Variants in COL28A1 observed in about 807,000 individuals in gnomAD.
The protein encoded by COL28A1 is collagen alpha-1(XXVIII) chain.
COL28A1 carries 161 observed loss-of-function variants against 150.2 expected under a neutral mutation model. The observed-to-expected ratio is 1.07, with a 90% CI of 0.94 to 1.22. COL28A1 has a LOEUF of 1.22. COL28A1 is among the 50% of genes most tolerant of loss of function. The pLI is 0.00. For missense variants in COL28A1, 1,617 were observed against 1,388.3 expected, an observed-to-expected ratio of 1.16 and a Z score of -2.62; for synonymous variants, 552 against 469.7, an observed-to-expected ratio of 1.18 and a Z score of -2.26.
At chr7:7,481,726 C>G (rs1189031435) in intron 13 of COL28A1, among the ~76,000 whole-genome samples, 1 of 152,126 alleles carries the variant, frequency 6.6e-6, no homozygotes, top group Non-Finnish European at 1.5e-5. Flanking sequence ...CCGTAGTAAT[C>G]TCAATAGTGT....
chr7:7,436,709 A>T (rs571439675), intron 22 of COL28A1, among the ~76,000 whole-genome samples: 4 of 152,316 alleles, frequency 2.6e-5, no homozygotes, highest in African/African-American at 4.8e-5. Flanking sequence ...TTCAGACTCA[A>T]ATATTTCGAC....
chr7:7,364,735 C>G (rs1780844352), intron 33 of COL28A1, among the ~76,000 whole-genome samples: 1 of 152,134 alleles, frequency 6.6e-6, no homozygotes, highest in African/African-American at 2.4e-5. Flanking sequence ...AAAATTTCCT[C>G]CCCTCCACTA....
intron 30 of COL28A1, among the ~76,000 whole-genome samples, chr7:7,377,256 T>G (rs1477444712): frequency 1.3e-5 from 2 of 152,230 alleles, no homozygotes; most frequent in African/African-American, 4.8e-5. Flanking sequence ...TTCTTCATGT[T>G]CTTTGCATTT....
chr7:7,360,570 A>G, intron 33 of COL28A1, 42 bp from the exon 34 acceptor site: 1 of 1,563,058 alleles, frequency 6.4e-7, no homozygotes, highest in Non-Finnish European at 8.6e-7. Flanking sequence ...GATAATATCA[A>G]GTAAAAAAAA....
intron 14 of COL28A1, among the ~76,000 whole-genome samples, chr7:7,476,027 A>G (rs1045605703): frequency 6.6e-6 from 1 of 152,222 alleles, no homozygotes; most frequent in African/African-American, 2.4e-5. Context: ...TAGGATTCTC[A>G]TAGATAATTG....
chr7:7,355,625 A>C (rs374553129), downstream of COL28A1, among the ~76,000 whole-genome samples: 39 of 152,288 alleles, frequency 2.6e-4, no homozygotes, highest in African/African-American at 8.9e-4. Flanking sequence ...AATATAAAAT[A>C]AAATAAGATA....
intron 5 of COL28A1, 72 bp downstream of exon 5, chr7:7,521,833 T>G (rs375713742): frequency 4.8e-6 from 4 of 828,272 alleles, no homozygotes; most frequent in African/African-American, 1.7e-5. Flanking sequence ...ATAGCCCCGA[T>G]GTTTTCAAGA....
the COL28A1 span, among the ~76,000 whole-genome samples, chr7:7,349,912 C>T: frequency 6.6e-6 from 1 of 151,910 alleles, no homozygotes; most frequent in Non-Finnish European, 1.5e-5. Flanking sequence ...GAATAGTGCT[C>T]TCAAAAAGAA....
At chr7:7,525,398 T>A (rs1015425277) in intron 3 of COL28A1, among the ~76,000 whole-genome samples, 9 of 152,226 alleles carry the variant, frequency 5.9e-5, no homozygotes, top group Admixed American at 3.9e-4. Flanking sequence ...ACCTGACAAG[T>A]GCACTGAAGG....
In COL28A1 at chr7:7,389,930, G is replaced by A. The variant is rs1364157730; in HGVS notation, c.2137-8318C>T. On this transcript the variant is annotated intron_variant, in intron 27 of 34. Transcript: ENST00000399429. ...TAGTGTTTTCTAAATATACAACCAC[G>A]TCATCTGTAGGGACAATTTGATTTC... Among the ~76,000 whole-genome samples the A allele has an allele frequency of 2.6e-5, 4 of 152,100 alleles. No individual in the cohort carries two copies. In the East Asian group the frequency reaches 5.8e-4, roughly 22 times the overall value.
intron 3 of COL28A1, among the ~76,000 whole-genome samples, chr7:7,525,179 G>A (rs911099131): frequency 6.6e-6 from 1 of 152,190 alleles, no homozygotes; most frequent in Non-Finnish European, 1.5e-5. Context: ...AGGAAACATG[G>A]TTCCACCATA....
intron 16 of COL28A1, among the ~76,000 whole-genome samples, chr7:7,454,913 G>A (rs987739003): frequency 1.3e-5 from 2 of 152,076 alleles, no homozygotes; most frequent in African/African-American, 4.8e-5. Context: ...GGCTTCTTCT[G>A]TACCTTAAGA....
intron 11 of COL28A1, 118 bp from the exon 12 acceptor site, chr7:7,490,764 C>T (rs1779872871): frequency 1.9e-6 from 1 of 520,036 alleles, no homozygotes; most frequent in South Asian, 3.1e-5. Context: ...CAAACCTGTA[C>T]ATCGTGCCTG....
At chr7:7,404,207 G>A (rs1033836832) in intron 27 of COL28A1, among the ~76,000 whole-genome samples, 6 of 152,078 alleles carry the variant, frequency 3.9e-5, no homozygotes, top group African/African-American at 1.4e-4. Context: ...AAAACAAGGT[G>A]GGGGAGGGAT....
Position 7,452,346 on chromosome 7 carries a change from T to C in COL28A1, c.1482A>G (p.Pro494=), listed in dbSNP as rs200897565. The C allele has an allele frequency of 1.9e-4, 302 of 1,606,942 alleles. No homozygotes were observed. The highest frequency in any genetic ancestry group is 2.4e-4 in the Non-Finnish European group (288 of 1,178,450). Residue 494 remains proline (P), a synonymous_variant, in exon 18 of 35, where the codon CCA becomes CCG. Coordinates refer to ENST00000399429, the MANE Select transcript of COL28A1 (RefSeq NM_001037763.3). ...GQMGPTGPRG[P]VGIGVQGPKG... Reference sequence around the variant, plus strand: ...TTGGACCTTGTACTCCAATTCCCACTGGTCCTCGAGGGCCTGTAGGTCCCA... The same window carrying C: ...TTGGACCTTGTACTCCAATTCCCACCGGTCCTCGAGGGCCTGTAGGTCCCA...
intron 7 of COL28A1, among the ~76,000 whole-genome samples, chr7:7,517,072 C>A (rs17168408): frequency 0.3 from 45,758 of 151,864 alleles, 7,275 homozygotes; most frequent in Middle Eastern, 0.39. Flanking sequence ...GTAGAATATA[C>A]CTAAGAAATG....
intron 8 of COL28A1, among the ~76,000 whole-genome samples, chr7:7,514,722 C>T (rs1443876215): frequency 6.6e-6 from 1 of 152,118 alleles, no homozygotes; most frequent in African/African-American, 2.4e-5. Context: ...AGGTCCTTGC[C>T]AGACATAGCC....
At chr7:7,507,434 G>T (rs942140048) in intron 9 of COL28A1, among the ~76,000 whole-genome samples, 4 of 152,246 alleles carry the variant, frequency 2.6e-5, no homozygotes, top group Admixed American at 6.5e-5. Context: ...TTACAGTAAA[G>T]AAATTACTTT....
chr7:7,358,912 TAACA>T (rs1583208690), intron 34 of COL28A1, 107 bp from the exon 35 acceptor site: 1 of 876,256 alleles, frequency 1.1e-6, no homozygotes, highest in Non-Finnish European at 1.7e-6. Flanking sequence ...TCATGCACAC[TAACA>T]AACCAAGAAA....
Sources: allele counts gnomAD v4.1 joint callset (sites outside exome capture counted in the v4.1 genomes callset), GRCh38; gene constraint gnomAD v4.1.1; transcripts MANE v1.5; gene names NCBI Gene and HGNC (gene_info 2026-07-23, HGNC 2026-07-21).